Variants in THADA observed in about 807,000 individuals in gnomAD.
THADA encodes the protein THADA armadillo repeat containing, also known as tRNA (32-2'-O)-methyltransferase regulator THADA.
Under a neutral mutation model 219.8 loss-of-function variants are expected in THADA, and 213 were observed. The observed-to-expected ratio is 0.97, with a 90% CI of 0.87 to 1.09. THADA has a LOEUF of 1.09. Ranked by LOEUF, THADA falls within the 50% of genes least tolerant of loss-of-function variation. The pLI is 0.00. For synonymous variants in THADA, 1,018 were observed against 828.9 expected (o/e 1.23, Z -3.92); for missense variants, 2,956 against 2,311.3 (o/e 1.28, Z -5.72).
chr2:43,581,430 G>A (rs372366255), intron 8 of THADA, among the ~76,000 whole-genome samples: 5 of 151,682 alleles, frequency 3.3e-5, no homozygotes, highest in Non-Finnish European at 5.9e-5. Flanking sequence ...ACTCAGAAGC[G>A]GAGGCACGAG....
intron 7 of THADA, among the ~76,000 whole-genome samples, chr2:43,585,554 AGATAGATAGATAGATAGATAGAT>A (rs1700924279): frequency 6.6e-6 from 1 of 150,638 alleles, no homozygotes; most frequent in African/African-American, 2.4e-5. Flanking sequence ...ATAGATAGAT[AGATAGATAGATAGATAGATAGAT>A]AGAAAGAAAT....
At chr2:43,520,980 GAAGGGAGGA>G (rs201830534) in intron 22 of THADA, among the ~76,000 whole-genome samples, 24,175 of 93,882 alleles carry the variant, frequency 0.26, 4,199 homozygotes, top group African/African-American at 0.35. Flanking sequence ...AGGGAGGGAG[GAAGGGAGGA>G]AAGGGAGGAA....
Position 43,590,911 on chromosome 2 carries a change from T to C in THADA, c.215A>G (p.Asp72Gly), listed in dbSNP as rs1230210630. 2.5e-6 allele frequency: 4 copies of C among 1,613,832 alleles called. No individual in the cohort carries two copies. Among genetic ancestry groups the C allele is most frequent in the Non-Finnish European group, 1.7e-6 (2 of 1,179,756 alleles). The stretch of plus-strand genomic sequence containing the variant: ...ATCCAAACAACTTTGAATAGTGGGA[T>C]CACACATGCCATTTTTATCTGCTTT... ...LEKADKNGMC[D>G]PTIQSCLDIL... Residue 72 changes from aspartate to glycine, a missense_variant, in exon 4 of 38, where the codon GAT (aspartate) becomes GGT (glycine). Physicochemically the swap from Asp to Gly is moderately conservative, Grantham distance 94 (BLOSUM62 -1). Coordinates refer to ENST00000405975, the MANE Select transcript of THADA (RefSeq NM_022065.5).
At position 43,572,904 on chromosome 2, in the gene THADA, A is replaced by G. The variant is rs1036194829; in HGVS notation, c.1818T>C (p.Ala606=). Residue 606 remains alanine (A), a synonymous_variant, in exon 12 of 38, where the codon GCT becomes GCC. Transcript: ENST00000405975. ...CAGTTGCAGACTGAAGATGTCCATGAGCTCTAGCTATTCGCAGACATGCCA... is the reference window on the plus strand; with the variant it reads ...CAGTTGCAGACTGAAGATGTCCATGGGCTCTAGCTATTCGCAGACATGCCA... ...ALMACLRIAR[A]HGHLQSATDT... 16 of 1,613,856 alleles carry G rather than the reference A, an allele frequency of 9.9e-6. No homozygotes were observed. The highest frequency in any genetic ancestry group is 1.4e-5 in the Non-Finnish European group (16 of 1,179,860).
intron 4 of THADA, 60 bp downstream of exon 4, chr2:43,590,764 A>C: frequency 1.3e-6 from 2 of 1,574,854 alleles, no homozygotes; most frequent in African/African-American, 2.7e-5. Flanking sequence ...AAGGAACTTC[A>C]GTTACTTTTG....
intron 31 of THADA, among the ~76,000 whole-genome samples, chr2:43,303,881 G>C (rs1037383489): frequency 3.9e-5 from 6 of 152,034 alleles, no homozygotes; most frequent in Non-Finnish European, 8.8e-5. Flanking sequence ...TCTAATTTCA[G>C]TAAGTCTGAG....
At chr2:43,297,279 G>T (rs943473963) in intron 31 of THADA, among the ~76,000 whole-genome samples, 1 of 105,936 alleles carries the variant, frequency 9.4e-6, no homozygotes, top group Non-Finnish European at 1.8e-5. Flanking sequence ...CCCCGTCTGA[G>T]AAGTGAGGAG....
intron 36 of THADA, among the ~76,000 whole-genome samples, chr2:43,251,400 G>A (rs1186742058): frequency 6.6e-6 from 1 of 152,194 alleles, no homozygotes; most frequent in East Asian, 1.9e-4. Flanking sequence ...TTACATTACA[G>A]AGCAGCACTC....
At chr2:43,273,597 T>A (rs150754614) in intron 36 of THADA, among the ~76,000 whole-genome samples, 207 of 152,272 alleles carry the variant, frequency 1.4e-3, no homozygotes, top group Non-Finnish European at 2.4e-3. Flanking sequence ...CTCTGTGATC[T>A]GGCAGGAACT....
chr2:43,339,494 G>A (rs754884285), intron 30 of THADA, among the ~76,000 whole-genome samples: 1 of 152,114 alleles, frequency 6.6e-6, no homozygotes, highest in Admixed American at 6.5e-5. Flanking sequence ...TGGCCAGGCT[G>A]GTCTCAAACT....
At chr2:43,515,720 C>G (rs1691641544) in intron 22 of THADA, among the ~76,000 whole-genome samples, 1 of 151,802 alleles carries the variant, frequency 6.6e-6, no homozygotes, top group South Asian at 2.1e-4. Context: ...AACTGTCCAC[C>G]AGAATTGTAT....
intron 29 of THADA, among the ~76,000 whole-genome samples, chr2:43,348,839 T>G (rs1667935570): frequency 6.6e-6 from 1 of 152,132 alleles, no homozygotes; most frequent in Non-Finnish European, 1.5e-5. Flanking sequence ...TTAGGATAAT[T>G]TATGTCGCAA....
intron 13 of THADA, 33 bp downstream of exon 13, chr2:43,571,674 C>T: frequency 1.9e-6 from 3 of 1,580,072 alleles, no homozygotes; most frequent in Non-Finnish European, 1.7e-6. Flanking sequence ...CAAAGTTCAC[C>T]ACTTCCCTAT....
intron 4 of THADA, among the ~76,000 whole-genome samples, chr2:43,589,844 A>T (rs983402197): frequency 2.7e-4 from 41 of 151,362 alleles, no homozygotes; most frequent in South Asian, 2.1e-4. Flanking sequence ...ATTAAAATTT[A>T]AAAAAAAAGA....
intron 29 of THADA, chr2:43,372,202 C>A (rs534446062): frequency 1.3e-5 from 2 of 152,272 alleles, no homozygotes. Context: ...CTAATCTGAA[C>A]ACACGAGAAA....
intron 31 of THADA, among the ~76,000 whole-genome samples, chr2:43,297,717 G>A (rs1317829214): frequency 7.9e-6 from 1 of 126,268 alleles, no homozygotes; most frequent in Non-Finnish European, 1.7e-5. Flanking sequence ...CCGTCCGGGA[G>A]GGAGGTGGGG....
rs180724183 is a variant in THADA at position 43,320,176 on chromosome 2, G to A, written c.4438+270C>T. Reference sequence around the variant, plus strand: ...AAAATACATAAAATAGAAAAAAGCCGGGGTCGTAGATGCAGAGAGGGTATC... The same window carrying A: ...AAAATACATAAAATAGAAAAAAGCCAGGGTCGTAGATGCAGAGAGGGTATC... On this transcript the variant is annotated intron_variant, in intron 31 of 37. Transcript: ENST00000405975. 5.0e-3 allele frequency among the ~76,000 whole-genome samples: 767 copies of A among 152,262 alleles called. 2 individuals are homozygous for A. Among genetic ancestry groups the A allele is most frequent in the Middle Eastern group, 0.017 (5 of 294 alleles).
At chr2:43,416,356 T>C (rs372164306) in intron 28 of THADA, among the ~76,000 whole-genome samples, 15 of 152,344 alleles carry the variant, frequency 9.8e-5, no homozygotes, top group African/African-American at 3.4e-4. Context: ...CTAAAACAGA[T>C]GCTTCTTTCC....
At chr2:43,558,408 G>C (rs929819079) in intron 16 of THADA, among the ~76,000 whole-genome samples, 1 of 152,142 alleles carries the variant, frequency 6.6e-6, no homozygotes, top group Non-Finnish European at 1.5e-5. Context: ...TTGGATTGAA[G>C]GATGCAAAGT....
Sources: gnomAD v4.1 joint callset for allele counts (sites outside exome capture counted in the v4.1 genomes callset) on GRCh38, gnomAD v4.1.1 for gene constraint, MANE v1.5 for transcripts, NCBI Gene and HGNC (gene_info 2026-07-23, HGNC 2026-07-21) for gene names.